LRCH2: variants seen among roughly 807,000 people sequenced by gnomAD.
LRCH2 encodes the protein leucine-rich repeat and calponin homology domain-containing protein 2.
Under a neutral mutation model 68.9 loss-of-function variants are expected in LRCH2, and 38 were observed. The ratio of observed to expected loss-of-function variants is 0.55; its 90% CI spans 0.43 to 0.72. The LOEUF is 0.72. Ranked by LOEUF, LRCH2 falls within the 30% of genes least tolerant of loss-of-function variation. The probability of loss-of-function intolerance (pLI) is 0.00; values close to 1 mark genes in which losing one functional copy is unlikely to be tolerated. For missense variants in LRCH2, 528 were observed against 572.9 expected, an observed-to-expected ratio of 0.92 and a Z score of 0.80; for synonymous variants, 191 against 208.1, an observed-to-expected ratio of 0.92 and a Z score of 0.71.
intron 5 of LRCH2, among the ~76,000 whole-genome samples, chrX:115,173,845 T>A (rs1326927145): frequency 8.9e-6 from 1 of 112,062 alleles, no homozygotes; most frequent in Admixed American, 9.5e-5. Flanking sequence ...ACCATGGGGA[T>A]GAAGATCTTT....
rs142287098 is a variant in LRCH2, at chrX:115,127,520, A to T, written c.1741-627T>A. Among the ~76,000 whole-genome samples the T allele has an allele frequency of 4.7e-3, 525 of 111,531 alleles. 8 individuals are homozygous for T. The highest frequency in any genetic ancestry group is 0.016 in the African/African-American group (497 of 30,739). On this transcript the variant is annotated intron_variant, in intron 15 of 20. Transcript: ENST00000317135. The stretch of plus-strand genomic sequence containing the variant: ...TGAGAGTACTGAAATTTAGTAAAAT[A>T]TCACCCATTCAAGGACCTTTCAGTC...
intron 11 of LRCH2, among the ~76,000 whole-genome samples, chrX:115,162,629 G>A (rs2072528658): frequency 9.0e-6 from 1 of 111,546 alleles, no homozygotes; most frequent in Admixed American, 9.5e-5. Context: ...AGACACTTAG[G>A]CAATTTAGCT....
chrX:115,161,257 G>A (rs1487697393), intron 11 of LRCH2, among the ~76,000 whole-genome samples: 2 of 111,099 alleles, frequency 1.8e-5, no homozygotes, highest in Non-Finnish European at 3.8e-5. Context: ...GGGAGGCCGA[G>A]GGATGAGAAT....
At chrX:115,198,701 G>A (rs2072909372) in intron 1 of LRCH2, 1 of 142,891 alleles carries the variant, frequency 7.0e-6, no homozygotes, top group Non-Finnish European at 1.5e-5. Flanking sequence ...GGGAGGAGCT[G>A]AGCAATGTCC....
chrX:115,136,724 T>G (rs1182164667), intron 14 of LRCH2, among the ~76,000 whole-genome samples: 1 of 111,701 alleles, frequency 9.0e-6, no homozygotes, highest in Non-Finnish European at 1.9e-5. Context: ...AAAGTGAATT[T>G]TGGCAGGTAA....
chrX:115,215,821 TAA>T (rs2073038550), intron 1 of LRCH2, among the ~76,000 whole-genome samples: 1 of 108,154 alleles, frequency 9.2e-6, no homozygotes, highest in African/African-American at 3.4e-5. Flanking sequence ...TTAAAGGTTT[TAA>T]AACTATCACT....
chrX:115,168,530 A>T, intron 6 of LRCH2, among the ~76,000 whole-genome samples: 1 of 112,228 alleles, frequency 8.9e-6, no homozygotes. Flanking sequence ...GATATACTCA[A>T]ATAACATGTA....
chrX:115,157,974 C>G (rs2072488983), intron 11 of LRCH2, among the ~76,000 whole-genome samples: 1 of 111,061 alleles, frequency 9.0e-6, no homozygotes, highest in African/African-American at 3.3e-5. Context: ...ATTTTATGTA[C>G]TTGAGAATTC....
intron 10 of LRCH2, among the ~76,000 whole-genome samples, chrX:115,164,988 C>T (rs1242966709): frequency 1.8e-5 from 2 of 110,684 alleles, no homozygotes; most frequent in African/African-American, 6.5e-5. Context: ...ATCAGCATGA[C>T]CAAATGGAAA....
At chrX:115,197,845 T>TCA (rs1298411202) in intron 1 of LRCH2, among the ~76,000 whole-genome samples, 9 of 28,633 alleles carry the variant, frequency 3.1e-4, no homozygotes, top group African/African-American at 8.7e-4. Flanking sequence ...TCTCTCTCTC[T>TCA]CTCACACACA....
chrX:115,209,765 G>A (rs781877642), intron 1 of LRCH2, among the ~76,000 whole-genome samples: 12 of 111,987 alleles, frequency 1.1e-4, no homozygotes, highest in Non-Finnish European at 2.1e-4. Context: ...GAATGGTTTT[G>A]ACCAAAATGC....
intron 1 of LRCH2, among the ~76,000 whole-genome samples, chrX:115,200,704 A>C (rs1183301936): frequency 9.0e-6 from 1 of 110,562 alleles, no homozygotes; most frequent in Non-Finnish European, 1.9e-5. Flanking sequence ...AGGGATTCAC[A>C]GCCAAATTCT....
At chrX:115,212,312 A>T (rs964863808) in intron 1 of LRCH2, among the ~76,000 whole-genome samples, 25 of 111,979 alleles carry the variant, frequency 2.2e-4, no homozygotes, top group African/African-American at 8.1e-4. Context: ...ACATTATAGG[A>T]AAGGAACCTG....
intron 1 of LRCH2, among the ~76,000 whole-genome samples, chrX:115,195,997 A>T (rs2072884557): frequency 1.8e-5 from 2 of 111,941 alleles, no homozygotes; most frequent in Admixed American, 1.9e-4. Flanking sequence ...CTGCAGCACC[A>T]GTCTTGGCCA....
In LRCH2 at chrX:115,122,801, G is replaced by A; in HGVS notation, c.2059C>T (p.Pro687Ser). ...ACATGAATACTAGCAACAGAACGTG[G>A]CCTTATATGATTGGCTAAATGGCAA... ...VLCHLANHIR[P>S]RSVASIHVPS... is the part of the protein sequence containing the mutation. The change falls in exon 19 of 21, where the codon CCA becomes TCA. Residue 687 changes from proline to serine, a missense_variant. Pro to Ser is a moderately conservative substitution (Grantham distance 74). Transcript: ENST00000317135. 1.7e-6 allele frequency: 2 copies of A among 1,210,477 alleles called. No individual in the cohort carries two copies. The highest frequency in any genetic ancestry group is 1.8e-5 in the South Asian group (1 of 56,847).
chrX:115,118,157 G>A (rs2072100119), intron 20 of LRCH2, among the ~76,000 whole-genome samples: 1 of 109,406 alleles, frequency 9.1e-6, no homozygotes, highest in Non-Finnish European at 1.9e-5. Flanking sequence ...GTCCAGCCTG[G>A]GCAACACAGT....
At chrX:115,214,785 G>A (rs975458649) in intron 1 of LRCH2, among the ~76,000 whole-genome samples, 2 of 111,691 alleles carry the variant, frequency 1.8e-5, no homozygotes, top group Non-Finnish European at 3.8e-5. Flanking sequence ...GGGCAGATAC[G>A]TGCATGCTCA....
chrX:115,203,903 G>C (rs1477098437), intron 1 of LRCH2, among the ~76,000 whole-genome samples: 1 of 112,261 alleles, frequency 8.9e-6, no homozygotes, highest in Non-Finnish European at 1.9e-5. Context: ...TGCCCCAATG[G>C]GGACTCTGTG....
chrX:115,132,743 G>GA (rs1365042552), intron 14 of LRCH2, among the ~76,000 whole-genome samples: 1 of 111,461 alleles, frequency 9.0e-6, no homozygotes, highest in African/African-American at 3.3e-5. Context: ...TGGCACGTGT[G>GA]AAAAAATCCT....
Sources: allele counts gnomAD v4.1 joint callset (sites outside exome capture counted in the v4.1 genomes callset), GRCh38; gene constraint gnomAD v4.1.1; transcripts MANE v1.5; gene names NCBI Gene and HGNC (gene_info 2026-07-23, HGNC 2026-07-21).